EIF2AK3: variants seen among roughly 807,000 people sequenced by gnomAD.
The protein encoded by EIF2AK3 is eukaryotic translation initiation factor 2-alpha kinase 3.
In EIF2AK3, 50 loss-of-function variants were observed where a neutral mutation model predicts 113.5. The observed-to-expected ratio is 0.44, with a 90% confidence interval of 0.35 to 0.56. EIF2AK3 has a LOEUF of 0.56. Ranked by LOEUF, EIF2AK3 falls within the 20% of genes least tolerant of loss-of-function variation. The pLI is 0.00. For missense variants in EIF2AK3, 1,185 were observed against 1,378.0 expected (o/e 0.86, Z 2.22); for synonymous variants, 448 against 495.4 (o/e 0.90, Z 1.27).
intron 14 of EIF2AK3, among the ~76,000 whole-genome samples, chr2:88,563,191 A>G (rs1178678433): frequency 6.6e-6 from 1 of 152,238 alleles, no homozygotes; most frequent in African/African-American, 2.4e-5. Context: ...AATGCTCCAT[A>G]CCAGTACTTC....
At chr2:88,620,504 A>T (rs980331609) in intron 1 of EIF2AK3, among the ~76,000 whole-genome samples, 1 of 152,224 alleles carries the variant, frequency 6.6e-6, no homozygotes, top group African/African-American at 2.4e-5. Context: ...AAAGCAAAGG[A>T]ACTTCACTTT....
At chr2:88,599,153 A>ATACCATTAAATGAAGGTT (rs1450842909) in intron 2 of EIF2AK3, among the ~76,000 whole-genome samples, 1 of 152,178 alleles carries the variant, frequency 6.6e-6, no homozygotes, top group African/African-American at 2.4e-5. Context: ...ACTCAAGACC[A>ATACCATTAAATGAAGGTT]TACCATTAAA....
At chr2:88,596,356 A>G (rs1340331392) in intron 2 of EIF2AK3, among the ~76,000 whole-genome samples, 1 of 152,206 alleles carries the variant, frequency 6.6e-6, no homozygotes, top group Admixed American at 6.5e-5. Flanking sequence ...TGGTTGGGAT[A>G]GATTAGCGAG....
intron 14 of EIF2AK3, 125 bp downstream of exon 14, chr2:88,570,749 G>A: frequency 1.7e-6 from 2 of 1,206,092 alleles, no homozygotes; most frequent in Non-Finnish European, 2.4e-6. Context: ...GAACACTACT[G>A]CCAGTTTTCA....
At chr2:88,622,194 G>A (rs1675742310) in intron 1 of EIF2AK3, among the ~76,000 whole-genome samples, 1 of 152,122 alleles carries the variant, frequency 6.6e-6, no homozygotes, top group African/African-American at 2.4e-5. Flanking sequence ...ACCACGCCCG[G>A]CCCTATGAAA....
At chr2:88,615,683 C>G (rs1408687529) in intron 1 of EIF2AK3, among the ~76,000 whole-genome samples, 1 of 152,194 alleles carries the variant, frequency 6.6e-6, no homozygotes, top group African/African-American at 2.4e-5. Context: ...AAACCTGCTA[C>G]TATTTTCCCC....
At chr2:88,587,011 C>T (rs1438927991) in intron 8 of EIF2AK3, among the ~76,000 whole-genome samples, 2 of 150,224 alleles carry the variant, frequency 1.3e-5, no homozygotes, top group African/African-American at 4.9e-5. Flanking sequence ...TCGAGAACAG[C>T]CTGGCCAATA....
At position 88,613,721 on chromosome 2, in the gene EIF2AK3, T is replaced by G; in HGVS notation, c.438+3A>C. 6.2e-7 allele frequency: 1 copy of G among 1,614,076 alleles called. No individual in the cohort carries two copies. The highest frequency in any genetic ancestry group is 8.5e-7 in the Non-Finnish European group (1 of 1,179,938). On this transcript the variant is annotated splice_donor_region_variant and intron_variant, in intron 2 of 16. Coordinates refer to ENST00000303236, the MANE Select transcript of EIF2AK3 (RefSeq NM_004836.7). ...TAGTCAACAGTTAACAGAAAATTCT[T>G]ACCTCTGGTTTGCTAAGGCTGGATG...
chr2:88,625,552 T>C (rs1405209783), intron 1 of EIF2AK3, among the ~76,000 whole-genome samples: 2 of 152,196 alleles, frequency 1.3e-5, no homozygotes, highest in Non-Finnish European at 2.9e-5. Flanking sequence ...GCACTGTTTC[T>C]AGTCTGTAAT....
chr2:88,622,678 G>T (rs1449057888), intron 1 of EIF2AK3, among the ~76,000 whole-genome samples: 3 of 152,190 alleles, frequency 2.0e-5, no homozygotes, highest in Non-Finnish European at 4.4e-5. Context: ...GTGACTGTTA[G>T]TTAACTTTAA....
In EIF2AK3 at chr2:88,556,773, G is replaced by C. The variant is rs1382124151; in HGVS notation, c.*963C>G. 6.6e-6 allele frequency: 1 copy of C among 152,158 alleles called. No homozygotes were observed. The highest frequency in any genetic ancestry group is 2.4e-5 in the African/African-American group (1 of 41,444). The allele number at this position is 152,158 out of a possible 1,614,324, so 9.4% of individuals were successfully genotyped here. On this transcript the variant is annotated 3_prime_UTR_variant, in exon 17 of 17. Coordinates refer to ENST00000303236, the MANE Select transcript of EIF2AK3 (RefSeq NM_004836.7). Reference sequence around the variant, plus strand: ...AAAAAAAGTTTTATTAAATCATTTAGACTTGAAAGAAGTCACAAGTTAACA... The same window carrying C: ...AAAAAAAGTTTTATTAAATCATTTACACTTGAAAGAAGTCACAAGTTAACA...
intron 1 of EIF2AK3, among the ~76,000 whole-genome samples, chr2:88,620,060 T>C (rs1675682875): frequency 6.6e-6 from 1 of 152,206 alleles, no homozygotes; most frequent in Non-Finnish European, 1.5e-5. Context: ...TCTAACACAT[T>C]TTCCTGCCTC....
At position 88,562,318 on chromosome 2, in the gene EIF2AK3, G is replaced by A. The variant is rs2104387165; in HGVS notation, c.3058C>T (p.Pro1020Ser). Residue 1020 changes from proline (P) to serine (S), a missense_variant, in exon 15 of 17, where the codon CCA becomes TCA. By Grantham distance (74) the Pro-to-Ser change is moderately conservative. Coordinates refer to ENST00000303236, the MANE Select transcript of EIF2AK3 (RefSeq NM_004836.7). ...ACTCTCTCCATCTGAGTGCTGAATG[G>A]ATACAGCAATTCAAATAGAATCAGG... ...LGLILFELLY[P>S]FSTQMERVRT... 1 of 1,613,780 alleles carries A rather than the reference G, an allele frequency of 6.2e-7. No homozygotes were observed. The highest frequency in any genetic ancestry group is 8.5e-7 in the Non-Finnish European group (1 of 1,179,768).
At chr2:88,586,353 TTAAATA>T in intron 8 of EIF2AK3, among the ~76,000 whole-genome samples, 1 of 152,240 alleles carries the variant, frequency 6.6e-6, no homozygotes, top group Non-Finnish European at 1.5e-5. Context: ...ATTCAATTCT[TTAAATA>T]TAAGAATTAA....
intron 4 of EIF2AK3, among the ~76,000 whole-genome samples, chr2:88,593,021 A>G (rs769878189): frequency 2.0e-5 from 3 of 151,470 alleles, no homozygotes; most frequent in Non-Finnish European, 4.4e-5. Flanking sequence ...ACGTGCCTGT[A>G]ATCCCCGGTA....
chr2:88,585,808 G>T, intron 9 of EIF2AK3, 33 bp downstream of exon 9: 1 of 1,600,826 alleles, frequency 6.2e-7, no homozygotes, highest in South Asian at 1.1e-5. Context: ...GTGGGGAAGT[G>T]GAAACCAGAC....
chr2:88,573,724 C>T (rs2104408485), intron 13 of EIF2AK3, among the ~76,000 whole-genome samples: 1 of 152,140 alleles, frequency 6.6e-6, no homozygotes, highest in South Asian at 2.1e-4. Context: ...AAAATATACC[C>T]AAGAATTTGA....
chr2:88,576,851 AAG>A (rs988582355), intron 11 of EIF2AK3, 148 bp from the exon 12 acceptor site: 1 of 870,214 alleles, frequency 1.1e-6, no homozygotes, highest in Non-Finnish European at 1.7e-6. Flanking sequence ...TAGCCTGAAA[AAG>A]AGAGAAAGTA....
rs141901506 is a variant in EIF2AK3 at position 88,585,987 on chromosome 2, C to T, written c.1504G>A (p.Asp502Asn). The change falls in exon 9 of 17, where the codon GAC becomes AAC. Residue 502 changes from aspartate (D) to asparagine (N), a missense_variant. Coordinates refer to ENST00000303236, the MANE Select transcript of EIF2AK3 (RefSeq NM_004836.7). ...RSTQITVRFL[D>N]NPHYNKNIRK... ...ATATTCTTGTTGTAATGTGGGTTGT[C>T]GAGGAATCTGACTGTAATCTGTGTG... The T allele has an allele frequency of 4.7e-4, 756 of 1,613,940 alleles. 2 individuals are homozygous for T. Among genetic ancestry groups the T allele is most frequent in the Non-Finnish European group, 5.8e-4 (682 of 1,179,984 alleles).
Sources: allele counts gnomAD v4.1 joint callset (sites outside exome capture counted in the v4.1 genomes callset), GRCh38; gene constraint gnomAD v4.1.1; transcripts MANE v1.5; gene names NCBI Gene and HGNC (gene_info 2026-07-23, HGNC 2026-07-21).